SHANK2: variants seen among roughly 807,000 people sequenced by gnomAD.
The protein encoded by SHANK2 is SH3 and multiple ankyrin repeat domains 2.
In SHANK2, 43 loss-of-function variants were observed where a neutral mutation model predicts 133.7. That is an observed-to-expected ratio of 0.32 (90% CI 0.25 to 0.41). The LOEUF is 0.41. Ranked by LOEUF, SHANK2 falls within the 10% of genes least tolerant of loss-of-function variation. The probability of loss-of-function intolerance (pLI) is 1.00; values close to 1 mark genes in which losing one functional copy is unlikely to be tolerated. For missense variants in SHANK2, 1,994 were observed against 2,235.8 expected (o/e 0.89, Z 2.18); for synonymous variants, 1,017 against 952.8 (o/e 1.07, Z -1.24).
intron 17 of SHANK2, among the ~76,000 whole-genome samples, chr11:70,623,178 TC>T (rs1257774958): frequency 0.022 from 2,853 of 127,444 alleles, 79 homozygotes; most frequent in African/African-American, 0.072. Context: ...TTCGTCTCAA[TC>T]AAAAAAAAAA....
chr11:70,946,292 T>C (rs1464886720), intron 10 of SHANK2, among the ~76,000 whole-genome samples: 1 of 146,354 alleles, frequency 6.8e-6, no homozygotes, highest in Non-Finnish European at 1.5e-5. Flanking sequence ...AAACAACGCT[T>C]CCCAGGCTCA....
intron 14 of SHANK2, among the ~76,000 whole-genome samples, chr11:70,793,045 G>A (rs1555048401): frequency 1.3e-5 from 2 of 152,136 alleles, no homozygotes; most frequent in Non-Finnish European, 2.9e-5. Flanking sequence ...GACACAGCAA[G>A]ACCCTGACTC....
chr11:71,158,674 C>T (rs577158989), intron 2 of SHANK2, among the ~76,000 whole-genome samples: 1 of 152,246 alleles, frequency 6.6e-6, no homozygotes, highest in African/African-American at 2.4e-5. Context: ...ACTCTGGAGA[C>T]TAAGAGGAGA....
intron 2 of SHANK2, among the ~76,000 whole-genome samples, chr11:71,223,820 G>A (rs943068488): frequency 3.3e-5 from 5 of 152,182 alleles, no homozygotes; most frequent in African/African-American, 4.8e-5. Flanking sequence ...TGAAAATGAC[G>A]GAGAGGAACT....
chr11:70,788,306 C>G (rs1947713570), intron 14 of SHANK2, among the ~76,000 whole-genome samples: 1 of 152,232 alleles, frequency 6.6e-6, no homozygotes, highest in Non-Finnish European at 1.5e-5. Flanking sequence ...AGCAGCTTCC[C>G]TTTATCCATG....
intron 8 of SHANK2, among the ~76,000 whole-genome samples, chr11:71,085,630 A>ATTATGTTATATATAACATATTATATGTT (rs1590894205): frequency 7.9e-5 from 5 of 63,212 alleles, no homozygotes; most frequent in Non-Finnish European, 1.1e-4. Flanking sequence ...TATATATTAT[A>ATTATGTTATATATAACATATTATATGTT]ATATATATAA....
chr11:70,868,755 C>T (rs782111403), intron 11 of SHANK2, among the ~76,000 whole-genome samples: 14 of 152,320 alleles, frequency 9.2e-5, no homozygotes, highest in South Asian at 4.1e-4. Flanking sequence ...GGCTCTGGCA[C>T]GGAAAGCCCT....
rs1420755074 is a variant in SHANK2 at position 70,933,302 on chromosome 11, C to T, written c.1108-36735G>A. The stretch of plus-strand genomic sequence containing the variant: ...TACTGTAGGATTAAACTTAAATGAG[C>T]TCCCTAAAGTTCTGAGATTCATAGA... On this transcript the variant is annotated intron_variant, in intron 10 of 25. Coordinates refer to ENST00000601538, the MANE Select transcript of SHANK2 (RefSeq NM_012309.5). The T allele has an allele frequency of 1.1e-5, 5 of 454,672 alleles. No homozygotes were observed. In the East Asian group the frequency reaches 3.5e-4, roughly 32 times the overall value. The allele number at this position is 454,672 out of a possible 1,614,324, so 28.2% of individuals were successfully genotyped here.
Position 70,486,387 on chromosome 11 carries a change from G to C in SHANK2, c.3906C>G (p.Ile1302Met). The change falls in exon 25 of 26, where the codon ATC becomes ATG. Residue 1302 changes from isoleucine (I) to methionine (M), a missense_variant. Coordinates refer to ENST00000601538, the MANE Select transcript of SHANK2 (RefSeq NM_012309.5). The surrounding 1 kb of genome is among the most constrained non-coding windows in gnomAD (Gnocchi z 8.0). ...CCGACTTCTGCTGGGACGTGTCCAT[G>C]ATGTCGATCAGCATGTTCTTCTTGT... is the stretch of plus-strand genomic sequence containing the variant. ...GDDKKNMLID[I>M]MDTSQQKSAG... 2 of 1,613,952 alleles carry C rather than the reference G, an allele frequency of 1.2e-6. No homozygotes were observed. The highest frequency in any genetic ancestry group is 1.7e-6 in the Non-Finnish European group (2 of 1,180,018).
chr11:70,913,574 T>A (rs902844043), intron 10 of SHANK2, among the ~76,000 whole-genome samples: 45 of 152,160 alleles, frequency 3.0e-4, no homozygotes, highest in Admixed American at 2.9e-3. Flanking sequence ...GAACCAGGGA[T>A]GGTTTTCCTC....
chr11:71,195,882 A>T (rs554063001), intron 2 of SHANK2, among the ~76,000 whole-genome samples: 1 of 152,202 alleles, frequency 6.6e-6, no homozygotes, highest in East Asian at 1.9e-4. Flanking sequence ...AGAGTCAGTC[A>T]TAAAAATAAA....
At chr11:71,085,662 T>TAACA (rs1951378470) in intron 8 of SHANK2, among the ~76,000 whole-genome samples, 6 of 20,220 alleles carry the variant, frequency 3.0e-4, no homozygotes, top group Admixed American at 1.2e-3. Flanking sequence ...ATATATTATA[T>TAACA]TATATATGTT....
At chr11:70,893,692 G>T (rs368891671) in intron 11 of SHANK2, among the ~76,000 whole-genome samples, 1 of 152,138 alleles carries the variant, frequency 6.6e-6, no homozygotes, top group Non-Finnish European at 1.5e-5. Context: ...ACAAGGAACC[G>T]CATGGGCAAG....
Position 70,535,140 on chromosome 11 carries a change from T to C in SHANK2, c.2062-32209A>G, listed in dbSNP as rs2059527658. Among the ~76,000 whole-genome samples, 1 of 152,154 alleles carries C rather than the reference T, an allele frequency of 6.6e-6. No individual in the cohort carries two copies. Among genetic ancestry groups the C allele is most frequent in the South Asian group, 2.1e-4 (1 of 4,830 alleles). On this transcript the variant is annotated intron_variant, in intron 17 of 25. Transcript: ENST00000601538. This position sits in a 1 kb window ranked among gnomAD's most constrained non-coding sequence, Gnocchi z 4.3. ...ATGAAGTAGTGCTCATGACCAGGGATGGTTCCCACGAACACCTTCCTCCCT... is the reference window on the plus strand; with the variant it reads ...ATGAAGTAGTGCTCATGACCAGGGACGGTTCCCACGAACACCTTCCTCCCT...
chr11:70,938,386 T>C lies in SHANK2; in HGVS notation c.1108-41819A>G, dbSNP rs1265113585. ...ACTTAGTTAATACTCTGGAATATTG[T>C]TGAATACAGGATTCCCTCCCCAACA... On this transcript the variant is annotated intron_variant, in intron 10 of 25. Transcript: ENST00000601538. Among the ~76,000 whole-genome samples the C allele has an allele frequency of 2.0e-5, 3 of 152,214 alleles. No individual in the cohort carries two copies. In the East Asian group the frequency reaches 5.8e-4, roughly 29 times the overall value.
intron 17 of SHANK2, among the ~76,000 whole-genome samples, chr11:70,576,559 C>A (rs1554984340): frequency 6.6e-6 from 1 of 152,174 alleles, no homozygotes; most frequent in East Asian, 1.9e-4. Flanking sequence ...ATGGCATGAA[C>A]CCGGGAGGCG....
rs113869975 is a variant in SHANK2, at chr11:71,213,259, C to T, written c.-13+11438G>A. ...ACAACAGAGGCAGATATTTCCCACA[C>T]GGCCAGCAGCCTGCACAGCTGTGCC... On this transcript the variant is annotated intron_variant, in intron 2 of 25. Coordinates refer to ENST00000601538, the MANE Select transcript of SHANK2 (RefSeq NM_012309.5). Among the ~76,000 whole-genome samples the T allele has an allele frequency of 7.3e-3, 1,115 of 152,278 alleles. 15 individuals carry two copies. Among genetic ancestry groups the T allele is most frequent in the African/African-American group, 0.025 (1,057 of 41,550 alleles).
intron 16 of SHANK2, 96 bp downstream of exon 16, chr11:70,661,500 T>C (rs1206864067): frequency 1.6e-5 from 17 of 1,063,876 alleles, no homozygotes; most frequent in East Asian, 1.0e-4. Flanking sequence ...TGCAGGCGTA[T>C]ACACACACAC....
At chr11:70,934,774 C>T (rs1950548886) in intron 10 of SHANK2, among the ~76,000 whole-genome samples, 3 of 152,204 alleles carry the variant, frequency 2.0e-5, no homozygotes, top group African/African-American at 7.2e-5. Context: ...GGGTAAATCA[C>T]GAGTGGCGTG....
Sources: gnomAD v4.1 joint callset for allele counts (sites outside exome capture counted in the v4.1 genomes callset) on GRCh38, gnomAD v4.1.1 for gene constraint, Gnocchi (gnomAD v3.1) non-coding constraint, MANE v1.5 for transcripts, NCBI Gene and HGNC (gene_info 2026-07-23, HGNC 2026-07-21) for gene names.